Variants in SPATA31F1 observed in about 807,000 individuals in gnomAD.
SPATA31F1 encodes the protein SPATA31 subfamily F member 1, also known as protein SPATA31F1.
the SPATA31F1 span, among the ~76,000 whole-genome samples, chr9:34,728,894 A>C: frequency 6.6e-6 from 1 of 152,192 alleles, no homozygotes; most frequent in African/African-American, 2.4e-5. Flanking sequence ...TTCACAGAGA[A>C]GTCCTGCTGG....
chr9:34,726,958 C>G, the SPATA31F1 span: 1 of 1,550,976 alleles, frequency 6.4e-7, no homozygotes, highest in Non-Finnish European at 8.7e-7. Context: ...GGATTCGCCG[C>G]ACACTTCTCT....
the SPATA31F1 span, chr9:34,728,036 G>C: frequency 6.4e-7 from 1 of 1,552,200 alleles, no homozygotes; most frequent in Non-Finnish European, 8.7e-7. Flanking sequence ...TAATGATGGA[G>C]AGCAGCTTCT....
At chr9:34,727,112 G>A in the SPATA31F1 span, 2 of 1,426,134 alleles carry the variant, frequency 1.4e-6, no homozygotes, top group South Asian at 1.5e-5. Flanking sequence ...CCATCTTGTT[G>A]TCTACCTGTC....
chr9:34,725,136 A>C, the SPATA31F1 span: 226 of 1,547,062 alleles, frequency 1.5e-4, no homozygotes, highest in Non-Finnish European at 1.9e-4. Flanking sequence ...GAAATTCTGC[A>C]GTCCCAGGAC....
the SPATA31F1 span, chr9:34,723,541 G>A: frequency 1.9e-6 from 3 of 1,551,786 alleles, no homozygotes; most frequent in Non-Finnish European, 2.6e-6. Flanking sequence ...AGAACATGGA[G>A]TCCTCATGCC....
chr9:34,726,674 G>A, the SPATA31F1 span: 489,467 of 1,551,152 alleles, frequency 0.32, 79,042 homozygotes, highest in Non-Finnish European at 0.33. Context: ...ATCTGCATAC[G>A]TTGACTGGGC....
At chr9:34,728,217 C>T in the SPATA31F1 span, 14 of 710,728 alleles carry the variant, frequency 2.0e-5, no homozygotes, top group Non-Finnish European at 9.4e-6. Flanking sequence ...TAAGGCATGT[C>T]TGAGTACAGC....
chr9:34,723,196 C>T, the SPATA31F1 span: 145 of 1,536,468 alleles, frequency 9.4e-5, no homozygotes, highest in Non-Finnish European at 1.1e-4. Flanking sequence ...TCTCCTTGAG[C>T]GGACCAATGT....
At chr9:34,726,853 TAA>T in the SPATA31F1 span, 1 of 1,551,678 alleles carries the variant, frequency 6.4e-7, no homozygotes, top group South Asian at 1.2e-5. Context: ...ATGGCCCCGA[TAA>T]AGTCAGGGAG....
At chr9:34,724,921 C>T in the SPATA31F1 span, 3 of 1,551,030 alleles carry the variant, frequency 1.9e-6, no homozygotes, top group Non-Finnish European at 1.7e-6. Context: ...AAGTTGTCTC[C>T]AGTTTCTCAA....
At chr9:34,724,779 G>T in the SPATA31F1 span, 3 of 1,551,618 alleles carry the variant, frequency 1.9e-6, no homozygotes, top group Non-Finnish European at 2.6e-6. Flanking sequence ...GGCTCTGCTG[G>T]GATTTCCACG....
At chr9:34,724,484 G>T in the SPATA31F1 span, 17 of 1,551,798 alleles carry the variant, frequency 1.1e-5, 1 homozygote, top group South Asian at 2.0e-4. Context: ...CTCTGGTGCT[G>T]CAACAGTTTG....
the SPATA31F1 span, chr9:34,723,747 C>T: frequency 6.4e-7 from 1 of 1,551,466 alleles, no homozygotes; most frequent in African/African-American, 1.4e-5. Flanking sequence ...CCCTGTGAAG[C>T]CTGGGGCAAC....
chr9:34,727,142 A>G, the SPATA31F1 span, among the ~76,000 whole-genome samples: 13 of 152,164 alleles, frequency 8.5e-5, no homozygotes, highest in Non-Finnish European at 1.5e-5. Context: ...TGCTAAGAAA[A>G]TGCCATTTGG....
the SPATA31F1 span, chr9:34,724,130 T>C: frequency 6.5e-7 from 1 of 1,543,678 alleles, no homozygotes; most frequent in South Asian, 1.2e-5. Context: ...ATGGGCTGGG[T>C]CCTTGCTCTT....
chr9:34,726,803 C>T, the SPATA31F1 span: 2 of 1,551,654 alleles, frequency 1.3e-6, no homozygotes, highest in Non-Finnish European at 1.7e-6. Flanking sequence ...TAAAGACATA[C>T]TAGACGTAGA....
At chr9:34,725,733 C>T in the SPATA31F1 span, 1 of 1,548,106 alleles carries the variant, frequency 6.5e-7, no homozygotes. Context: ...CGTTGATGGT[C>T]AGATGGAGAC....
chr9:34,726,522 T>C, the SPATA31F1 span: 2 of 1,551,758 alleles, frequency 1.3e-6, no homozygotes, highest in Non-Finnish European at 1.7e-6. Context: ...CTGGGGTTGC[T>C]CTGCGTCATC....
chr9:34,727,627 T>C, the SPATA31F1 span, among the ~76,000 whole-genome samples: 1 of 152,250 alleles, frequency 6.6e-6, no homozygotes, highest in South Asian at 2.1e-4. Context: ...TCAGGTATTT[T>C]CCCTTGAAAG....
Sources: gnomAD v4.1 joint callset for allele counts (sites outside exome capture counted in the v4.1 genomes callset) on GRCh38, gnomAD v4.1.1 for gene constraint, MANE v1.5 for transcripts, NCBI Gene and HGNC (gene_info 2026-07-23, HGNC 2026-07-21) for gene names.